Variants in RBFOX1 observed in about 807,000 individuals in gnomAD.
The protein encoded by RBFOX1 is RNA binding fox-1 homolog 1.
Under a neutral mutation model 57.7 loss-of-function variants are expected in RBFOX1, and 8 were observed. The ratio of observed to expected loss-of-function variants is 0.14; its 90% CI spans 0.08 to 0.25. The LOEUF (loss-of-function observed/expected upper bound fraction) is 0.25. Among genes scored for constraint, RBFOX1 ranks in the 10% least tolerant of loss-of-function variants. The pLI is 1.00. For synonymous variants in RBFOX1, 326 were observed against 222.4 expected, an observed-to-expected ratio of 1.47 and a Z score of -4.15; for missense variants, 611 against 548.5, an observed-to-expected ratio of 1.11 and a Z score of -1.14.
At chr16:7,018,261 C>T (rs748006761) in intron 3 of RBFOX1, among the ~76,000 whole-genome samples, 26 of 152,150 alleles carry the variant, frequency 1.7e-4, no homozygotes, top group Non-Finnish European at 2.4e-4. Context: ...TTTCCTCCAG[C>T]TTCTCCTTAT....
intron 3 of RBFOX1, among the ~76,000 whole-genome samples, chr16:6,902,110 C>G (rs536410089): frequency 6.6e-6 from 1 of 152,138 alleles, no homozygotes; most frequent in Non-Finnish European, 1.5e-5. Context: ...AATCAGGTGT[C>G]TTACTTGAAA....
At chr16:6,814,299 C>T (rs1458187332) in intron 3 of RBFOX1, among the ~76,000 whole-genome samples, 1 of 151,996 alleles carries the variant, frequency 6.6e-6, no homozygotes, top group Non-Finnish European at 1.5e-5. Flanking sequence ...CTTTTCTGAT[C>T]TTCAAACTGA....
At chr16:5,639,547 A>G (rs1264985426) in intron 3 of RBFOX1, among the ~76,000 whole-genome samples, 2 of 152,116 alleles carry the variant, frequency 1.3e-5, no homozygotes, top group Non-Finnish European at 2.9e-5. Flanking sequence ...TCCCTTTTAG[A>G]GGGAGCAAGA....
intron 2 of RBFOX1, among the ~76,000 whole-genome samples, chr16:5,578,662 C>G (rs1391730119): frequency 2.0e-5 from 3 of 152,094 alleles, no homozygotes; most frequent in African/African-American, 7.2e-5. Context: ...GATCTAAGGC[C>G]TTCAAGGTTC....
chr16:6,469,540 C>G (rs900785926), intron 2 of RBFOX1, among the ~76,000 whole-genome samples: 5 of 152,144 alleles, frequency 3.3e-5, no homozygotes, highest in African/African-American at 1.2e-4. Context: ...CGGGGTGAGA[C>G]GAGATGCAAA....
At chr16:7,498,332 C>G (rs1425158911) in intron 4 of RBFOX1, among the ~76,000 whole-genome samples, 3 of 152,062 alleles carry the variant, frequency 2.0e-5, no homozygotes, top group African/African-American at 7.2e-5. Context: ...AATGAACTAG[C>G]TAATGGTGTA....
chr16:6,922,499 C>T (rs1279893210), intron 3 of RBFOX1, among the ~76,000 whole-genome samples: 2 of 152,104 alleles, frequency 1.3e-5, no homozygotes, highest in East Asian at 3.9e-4. Flanking sequence ...ATTTTCTTTG[C>T]TGTGTTTTTC....
chr16:5,780,044 C>T (rs1402770735), intron 3 of RBFOX1, among the ~76,000 whole-genome samples: 2 of 152,222 alleles, frequency 1.3e-5, no homozygotes. Flanking sequence ...TGCTGTGTCG[C>T]CCCGGCTGGA....
intron 4 of RBFOX1, among the ~76,000 whole-genome samples, chr16:7,101,605 A>AGAC (rs1432273997): frequency 6.6e-6 from 1 of 152,164 alleles, no homozygotes; most frequent in Non-Finnish European, 1.5e-5. Flanking sequence ...ACAGCTATAA[A>AGAC]GACTCTGATG....
intron 2 of RBFOX1, among the ~76,000 whole-genome samples, chr16:6,443,839 C>G (rs2094434804): frequency 6.6e-6 from 1 of 152,022 alleles, no homozygotes; most frequent in East Asian, 1.9e-4. Context: ...TCCATTCATC[C>G]ATGCACCCAT....
At chr16:5,847,017 G>C (rs1265073797) in intron 3 of RBFOX1, among the ~76,000 whole-genome samples, 1 of 152,194 alleles carries the variant, frequency 6.6e-6, no homozygotes, top group African/African-American at 2.4e-5. Context: ...CCCAAGAGGA[G>C]GGGAGAGAAG....
At chr16:5,481,902 C>A (rs963645975) in intron 2 of RBFOX1, among the ~76,000 whole-genome samples, 1 of 152,152 alleles carries the variant, frequency 6.6e-6, no homozygotes, top group African/African-American at 2.4e-5. Flanking sequence ...GGGATAAGGG[C>A]CCACCCTAAT....
At chr16:6,301,427 G>T (rs992639885) in intron 1 of RBFOX1, among the ~76,000 whole-genome samples, 1 of 152,092 alleles carries the variant, frequency 6.6e-6, no homozygotes, top group African/African-American at 2.4e-5. Flanking sequence ...ATTGAAATAA[G>T]TACCTTTATG....
At chr16:6,053,703 G>C (rs900068211) in intron 1 of RBFOX1, among the ~76,000 whole-genome samples, 1 of 152,132 alleles carries the variant, frequency 6.6e-6, no homozygotes, top group Non-Finnish European at 1.5e-5. Flanking sequence ...GAGATCTTCA[G>C]GTCTTAAATG....
intron 4 of RBFOX1, among the ~76,000 whole-genome samples, chr16:7,459,125 G>C (rs1451636798): frequency 6.6e-6 from 1 of 152,066 alleles, no homozygotes; most frequent in Non-Finnish European, 1.5e-5. Flanking sequence ...CAGTTGGGTG[G>C]GTGAGTGGAT....
chr16:5,865,965 C>G (rs114014170), intron 3 of RBFOX1, among the ~76,000 whole-genome samples: 2 of 151,958 alleles, frequency 1.3e-5, no homozygotes, highest in African/African-American at 4.8e-5. Context: ...TCTCTCTCCT[C>G]TTTTATGTTT....
At chr16:7,676,718 C>A in intron 13 of RBFOX1, 56 bp from the exon 14 acceptor site, 1 of 1,443,470 alleles carries the variant, frequency 6.9e-7, no homozygotes, top group African/African-American at 1.4e-5. Context: ...TGCCACTGGG[C>A]ATCCCTGCAT....
At chr16:5,703,501 C>T (rs145177732) in intron 3 of RBFOX1, among the ~76,000 whole-genome samples, 1,721 of 152,212 alleles carry the variant, frequency 0.011, 35 homozygotes, top group African/African-American at 0.039. Flanking sequence ...AGAGCATCCT[C>T]GTATATTCTT....
At chr16:5,615,145 C>A (rs568559556) in intron 3 of RBFOX1, among the ~76,000 whole-genome samples, 1 of 152,204 alleles carries the variant, frequency 6.6e-6, no homozygotes, top group African/African-American at 2.4e-5. Flanking sequence ...AGTGATATTT[C>A]CATCCCAGCC....
Sources: gnomAD v4.1 joint callset for allele counts (sites outside exome capture counted in the v4.1 genomes callset) on GRCh38, gnomAD v4.1.1 for gene constraint, MANE v1.5 for transcripts, NCBI Gene and HGNC (gene_info 2026-07-23, HGNC 2026-07-21) for gene names.